The following PEAK1 variants were observed in gnomAD, a reference collection of about 807,000 sequenced individuals.
The protein encoded by PEAK1 is inactive tyrosine-protein kinase PEAK1.
PEAK1 carries 54 observed loss-of-function variants against 124.7 expected under a neutral mutation model. That is an observed-to-expected ratio of 0.43 (90% CI 0.35 to 0.54). The LOEUF (loss-of-function observed/expected upper bound fraction) is 0.54. PEAK1 is among the 20% of genes least tolerant of loss of function. The probability of loss-of-function intolerance (pLI) is 0.01; values close to 1 mark genes in which losing one functional copy is unlikely to be tolerated. For missense variants in PEAK1, 2,046 were observed against 2,134.5 expected, an observed-to-expected ratio of 0.96 and a Z score of 0.82; for synonymous variants, 719 against 760.0, an observed-to-expected ratio of 0.95 and a Z score of 0.89.
At chr15:77,242,124 A>C (rs1447646189) in intron 6 of PEAK1, among the ~76,000 whole-genome samples, 1 of 152,084 alleles carries the variant, frequency 6.6e-6, no homozygotes, top group Non-Finnish European at 1.5e-5. Flanking sequence ...TATTATAAAC[A>C]GGGTTTAGTA....
chr15:77,105,662 T>C (rs1342730359), downstream of PEAK1: 1 of 152,232 alleles, frequency 6.6e-6, no homozygotes, highest in Non-Finnish European at 1.5e-5. Context: ...GGAAGCATAA[T>C]TTGCTAGGCC....
intron 8 of PEAK1, among the ~76,000 whole-genome samples, chr15:77,139,966 T>C (rs2053642584): frequency 6.6e-6 from 1 of 152,080 alleles, no homozygotes; most frequent in South Asian, 2.1e-4. Context: ...GTAATCTCTG[T>C]GCCAAGAACA....
rs74629930 is a variant in PEAK1, at chr15:77,402,420, T to C, written c.-666+17586A>G. The C allele has an allele frequency of 6.0e-5, 59 of 985,374 alleles. No individual in the cohort carries two copies. In the East Asian group the frequency reaches 6.6e-3, roughly 110 times the overall value. The allele number at this position is 985,374 out of a possible 1,614,324, so 61.0% of individuals were successfully genotyped here. On this transcript the variant is annotated intron_variant, in intron 1 of 9. Transcript: ENST00000682557. ...TTCAATCAACATATCACCCATTTATTTAGCCAAATGGTCTTCAATGTCACT... is the reference window on the plus strand; with the variant it reads ...TTCAATCAACATATCACCCATTTATCTAGCCAAATGGTCTTCAATGTCACT...
At chr15:77,309,322 C>T (rs2064293758) in intron 2 of PEAK1, among the ~76,000 whole-genome samples, 1 of 152,008 alleles carries the variant, frequency 6.6e-6, no homozygotes. Context: ...GCTTTTGACT[C>T]TCCTAATTGA....
intron 1 of PEAK1, among the ~76,000 whole-genome samples, chr15:77,415,712 C>G (rs987352317): frequency 2.6e-5 from 4 of 152,232 alleles, no homozygotes; most frequent in African/African-American, 9.7e-5. Flanking sequence ...TTCCTTTCTG[C>G]TCACTGGAAA....
At chr15:77,280,593 T>A (rs923534664) in intron 5 of PEAK1, among the ~76,000 whole-genome samples, 2 of 151,934 alleles carry the variant, frequency 1.3e-5, no homozygotes, top group Admixed American at 6.6e-5. Context: ...CCTTTTCTTA[T>A]TCTAAAACCT....
chr15:77,257,554 G>A (rs556854096), intron 5 of PEAK1, among the ~76,000 whole-genome samples: 250 of 151,318 alleles, frequency 1.7e-3, no homozygotes, highest in African/African-American at 5.5e-3. Context: ...CATGTCCTTC[G>A]CCCACTTTTT....
chr15:77,315,511 T>C (rs1209473931), intron 2 of PEAK1, among the ~76,000 whole-genome samples: 7 of 152,146 alleles, frequency 4.6e-5, no homozygotes, highest in East Asian at 1.9e-4. Context: ...AATCAAATGG[T>C]AGTGTTTTGT....
intron 7 of PEAK1, among the ~76,000 whole-genome samples, chr15:77,172,935 G>C (rs571130711): frequency 2.8e-4 from 42 of 152,234 alleles, no homozygotes; most frequent in Non-Finnish European, 5.3e-4. Flanking sequence ...AAAATTTTTA[G>C]TAGAGACAAG....
chr15:77,124,413 G>T (rs1197768360), intron 9 of PEAK1, among the ~76,000 whole-genome samples: 1 of 152,192 alleles, frequency 6.6e-6, no homozygotes, highest in Non-Finnish European at 1.5e-5. Context: ...TGCCCTATGG[G>T]CATAACCCAT....
intron 2 of PEAK1, chr15:77,348,336 A>T: frequency 1.1e-6 from 1 of 877,022 alleles, no homozygotes; most frequent in South Asian, 5.3e-5. Context: ...GATTGATAGG[A>T]ATATTAAATA....
chr15:77,381,467 C>T, intron 1 of PEAK1: 2 of 967,054 alleles, frequency 2.1e-6, no homozygotes, highest in Non-Finnish European at 2.5e-6. Flanking sequence ...AAGGCAATGG[C>T]TCTAAGAACA....
rs757255613 is a variant in PEAK1 at position 77,158,602 on chromosome 15, T to C, written c.3232A>G (p.Thr1078Ala). The C allele has an allele frequency of 1.2e-6, 2 of 1,614,156 alleles. No individual in the cohort carries two copies. The highest frequency in any genetic ancestry group is 1.1e-5 in the South Asian group (1 of 91,072). Residue 1078 changes from threonine to alanine, a missense_variant, in exon 8 of 10, where the codon ACA becomes GCA. By Grantham distance (58) the Thr-to-Ala change is moderately conservative. Coordinates refer to ENST00000682557, the MANE Select transcript of PEAK1 (RefSeq NM_001385026.1). The stretch of plus-strand genomic sequence containing the variant: ...TCCAGTTCAGGTAGGGACAATGCTG[T>C]TGTGACTGAAGTGCAGCCCCTGCCA... The part of the protein sequence containing the change: ...QDGRGCTSVT[T>A]ALSLPELERE...
chr15:77,419,537 G>T, intron 1 of PEAK1: 1 of 985,200 alleles, frequency 1.0e-6, no homozygotes, highest in Non-Finnish European at 1.2e-6. Flanking sequence ...AGGCTGCGCC[G>T]ATGCTCCCGG....
At chr15:77,196,800 TA>T (rs953564861) in intron 6 of PEAK1, among the ~76,000 whole-genome samples, 6 of 152,202 alleles carry the variant, frequency 3.9e-5, no homozygotes, top group African/African-American at 1.4e-4. Flanking sequence ...TGGTATACTT[TA>T]AAAATTAAAA....
intron 5 of PEAK1, among the ~76,000 whole-genome samples, chr15:77,265,740 G>A (rs545548254): frequency 1.3e-5 from 2 of 152,146 alleles, no homozygotes; most frequent in East Asian, 3.9e-4. Context: ...ATTTGACCCA[G>A]CCATCCCATT....
intron 1 of PEAK1, among the ~76,000 whole-genome samples, chr15:77,378,354 G>A (rs1236247621): frequency 6.6e-6 from 1 of 151,868 alleles, no homozygotes; most frequent in South Asian, 2.1e-4. Context: ...ACATACATGG[G>A]CAGTGGAAGT....
intron 5 of PEAK1, among the ~76,000 whole-genome samples, chr15:77,275,074 C>A (rs1383683328): frequency 1.3e-5 from 2 of 152,096 alleles, no homozygotes; most frequent in Admixed American, 1.3e-4. Context: ...AATGGAAAAC[C>A]AAACATAGTA....
At chr15:77,243,399 A>AG (rs1333261999) in intron 6 of PEAK1, among the ~76,000 whole-genome samples, 1 of 152,218 alleles carries the variant, frequency 6.6e-6, no homozygotes, top group African/African-American at 2.4e-5. Flanking sequence ...CATAAAACAC[A>AG]GCCATCTTCA....
Sources: allele counts gnomAD v4.1 joint callset (sites outside exome capture counted in the v4.1 genomes callset), GRCh38; gene constraint gnomAD v4.1.1; transcripts MANE v1.5; gene names NCBI Gene and HGNC (gene_info 2026-07-23, HGNC 2026-07-21).